NMNAT2: variants seen among roughly 807,000 people sequenced by gnomAD.
NMNAT2 encodes nicotinamide nucleotide adenylyltransferase 2, also known as nicotinamide/nicotinic acid mononucleotide adenylyltransferase 2.
A neutral mutation model predicts 41.6 loss-of-function variants in NMNAT2; 11 were observed. The ratio of observed to expected loss-of-function variants is 0.26; its 90% CI spans 0.17 to 0.44. NMNAT2 has a LOEUF of 0.44. Among genes scored for constraint, NMNAT2 ranks in the 20% least tolerant of loss-of-function variants. The pLI, the probability that NMNAT2 is intolerant of heterozygous loss-of-function variation, is 1.00. For synonymous variants in NMNAT2, 148 were observed against 151.2 expected, an observed-to-expected ratio of 0.98 and a Z score of 0.16; for missense variants, 288 against 407.7, an observed-to-expected ratio of 0.71 and a Z score of 2.53.
At chr1:183,349,392 C>T (rs1008905708) in intron 1 of NMNAT2, among the ~76,000 whole-genome samples, 14 of 152,244 alleles carry the variant, frequency 9.2e-5, no homozygotes, top group African/African-American at 2.9e-4. Context: ...TGGTCATAGA[C>T]AGAAGAGGCA....
At chr1:183,267,764 C>T (rs1660856421) in intron 8 of NMNAT2, among the ~76,000 whole-genome samples, 1 of 152,106 alleles carries the variant, frequency 6.6e-6, no homozygotes, top group South Asian at 2.1e-4. Flanking sequence ...ATGAAGAGCT[C>T]TCTATGGGTC....
intron 8 of NMNAT2, among the ~76,000 whole-genome samples, chr1:183,273,712 T>TTTTCTTTCTTTCTCTTTC (rs1273239435): frequency 6.6e-6 from 1 of 152,062 alleles, no homozygotes; most frequent in African/African-American, 2.4e-5. Flanking sequence ...CCAGCTCTAT[T>TTTTCTTTCTTTCTCTTTC]TTTCTTTCTT....
intron 10 of NMNAT2, among the ~76,000 whole-genome samples, chr1:183,258,284 G>A (rs1035780975): frequency 6.6e-6 from 1 of 152,130 alleles, no homozygotes; most frequent in Admixed American, 6.5e-5. Context: ...CTCCACATAC[G>A]TAGATTCTAA....
At chr1:183,268,263 T>A (rs748670420) in intron 8 of NMNAT2, among the ~76,000 whole-genome samples, 9 of 152,200 alleles carry the variant, frequency 5.9e-5, no homozygotes, top group Non-Finnish European at 1.0e-4. Flanking sequence ...AATTTCAGCC[T>A]CTTGCCCTGC....
At chr1:183,345,216 CTT>C (rs1055465941) in intron 1 of NMNAT2, among the ~76,000 whole-genome samples, 3 of 152,074 alleles carry the variant, frequency 2.0e-5, no homozygotes, top group Admixed American at 6.6e-5. Flanking sequence ...ATCTTTGACT[CTT>C]TTCATCCACT....
intron 1 of NMNAT2, among the ~76,000 whole-genome samples, chr1:183,354,414 T>TA (rs1663137467): frequency 7.0e-6 from 1 of 143,156 alleles, no homozygotes; most frequent in Non-Finnish European, 1.5e-5. Flanking sequence ...AATGTCTTTT[T>TA]TTTTTTTTTT....
chr1:183,334,354 A>G (rs1440486389), intron 1 of NMNAT2, among the ~76,000 whole-genome samples: 1 of 152,040 alleles, frequency 6.6e-6, no homozygotes, highest in Non-Finnish European at 1.5e-5. Flanking sequence ...GGCGTGAGCC[A>G]CCATACCCGG....
intron 8 of NMNAT2, among the ~76,000 whole-genome samples, chr1:183,261,923 A>ATTTTTTTTT (rs5779161): frequency 6.7e-6 from 1 of 149,918 alleles, no homozygotes; most frequent in Non-Finnish European, 1.5e-5. Flanking sequence ...GAGAAATGAA[A>ATTTTTTTTT]TTTTTTTTTT....
intron 1 of NMNAT2, among the ~76,000 whole-genome samples, chr1:183,328,767 C>T (rs570740557): frequency 6.6e-6 from 1 of 152,236 alleles, no homozygotes; most frequent in Non-Finnish European, 1.5e-5. Flanking sequence ...CTAGCCTGAC[C>T]TGTGGACTCA....
At chr1:183,296,319 T>A (rs1661696661) in intron 1 of NMNAT2, among the ~76,000 whole-genome samples, 1 of 152,210 alleles carries the variant, frequency 6.6e-6, no homozygotes, top group Non-Finnish European at 1.5e-5. Context: ...AATTAGGGAA[T>A]CTACACAAGG....
At chr1:183,395,556 C>T (rs546163327) in intron 1 of NMNAT2, among the ~76,000 whole-genome samples, 3 of 152,158 alleles carry the variant, frequency 2.0e-5, no homozygotes, top group East Asian at 3.9e-4. Context: ...TCTGCCATCT[C>T]TTTGTAAAAT....
At chr1:183,377,147 A>G (rs1228439267) in intron 1 of NMNAT2, among the ~76,000 whole-genome samples, 1 of 152,144 alleles carries the variant, frequency 6.6e-6, no homozygotes, top group Non-Finnish European at 1.5e-5. Context: ...AGGGAGGAAA[A>G]GGAACTCTCT....
chr1:183,386,844 A>T (rs1481784826), intron 1 of NMNAT2, among the ~76,000 whole-genome samples: 1 of 152,162 alleles, frequency 6.6e-6, no homozygotes, highest in Non-Finnish European at 1.5e-5. Flanking sequence ...ACAAATGGAC[A>T]CATAGTTAGG....
chr1:183,312,379 A>T (rs1234284841), intron 1 of NMNAT2, among the ~76,000 whole-genome samples: 5 of 151,858 alleles, frequency 3.3e-5, no homozygotes, highest in Middle Eastern at 3.4e-3. Context: ...TACAGTAGGC[A>T]TGAGTCACCA....
At chr1:183,384,542 G>A (rs892199114) in intron 1 of NMNAT2, among the ~76,000 whole-genome samples, 4 of 152,102 alleles carry the variant, frequency 2.6e-5, no homozygotes, top group Non-Finnish European at 5.9e-5. Flanking sequence ...GAACTCACTC[G>A]CAATCACAAG....
At chr1:183,280,377 G>C (rs866953012) in intron 7 of NMNAT2, among the ~76,000 whole-genome samples, 2 of 151,990 alleles carry the variant, frequency 1.3e-5, no homozygotes, top group African/African-American at 2.4e-5. Flanking sequence ...ACATAAATTC[G>C]TAAACTTCCT....
At chr1:183,284,203 C>T (rs1019883802) in intron 6 of NMNAT2, among the ~76,000 whole-genome samples, 164 bp from the exon 7 acceptor site, 6 of 152,172 alleles carry the variant, frequency 3.9e-5, no homozygotes, top group Non-Finnish European at 8.8e-5. Context: ...AGCAGTCAGG[C>T]ATAAAACGGA....
At chr1:183,274,273 C>T (rs1661067933) in intron 8 of NMNAT2, among the ~76,000 whole-genome samples, 1 of 151,948 alleles carries the variant, frequency 6.6e-6, no homozygotes, top group Non-Finnish European at 1.5e-5. Flanking sequence ...CAGGACAAAA[C>T]CAGAATGCTC....
intron 1 of NMNAT2, among the ~76,000 whole-genome samples, chr1:183,373,044 T>C (rs1324814935): frequency 2.0e-5 from 3 of 152,306 alleles, no homozygotes; most frequent in East Asian, 3.9e-4. Flanking sequence ...TCCCTGCAGC[T>C]GACAGACTCT....
Sources: gnomAD v4.1 joint callset for allele counts (sites outside exome capture counted in the v4.1 genomes callset) on GRCh38, gnomAD v4.1.1 for gene constraint, MANE v1.5 for transcripts, NCBI Gene and HGNC (gene_info 2026-07-23, HGNC 2026-07-21) for gene names.